SHISA9: variants seen among roughly 807,000 people sequenced by gnomAD.
SHISA9 encodes the protein shisa family member 9.
Under a neutral mutation model 38.0 loss-of-function variants are expected in SHISA9, and 13 were observed. That is an observed-to-expected ratio of 0.34 (90% CI 0.22 to 0.54). The LOEUF is 0.54. Ranked by LOEUF, SHISA9 falls within the 20% of genes least tolerant of loss-of-function variation. The pLI, the probability that SHISA9 is intolerant of heterozygous loss-of-function variation, is 0.91. For missense variants in SHISA9, 538 were observed against 575.8 expected (o/e 0.93, Z 0.67); for synonymous variants, 275 against 242.0 (o/e 1.14, Z -1.27).
At chr16:13,394,343 C>T in the SHISA9 span, among the ~76,000 whole-genome samples, 2 of 152,186 alleles carry the variant, frequency 1.3e-5, no homozygotes, top group African/African-American at 2.4e-5. Context: ...CTTTGCTATG[C>T]AGAATTATTG....
the SHISA9 span, among the ~76,000 whole-genome samples, chr16:13,486,672 G>A: frequency 1.3e-5 from 2 of 151,912 alleles, no homozygotes; most frequent in African/African-American, 4.8e-5. Flanking sequence ...ATGCTTAGTG[G>A]GGATCTGCAA....
intron 2 of SHISA9, among the ~76,000 whole-genome samples, chr16:13,145,584 C>T (rs998083765): frequency 2.0e-5 from 3 of 152,158 alleles, no homozygotes; most frequent in Non-Finnish European, 4.4e-5. Context: ...GTGCTGACCT[C>T]ACTGGGTCCT....
At chr16:13,298,403 G>T in the SHISA9 span, among the ~76,000 whole-genome samples, 1 of 152,124 alleles carries the variant, frequency 6.6e-6, no homozygotes, top group African/African-American at 2.4e-5. Context: ...TAAACACGAT[G>T]ATGACTCACA....
At chr16:13,027,607 C>T (rs59803423) in intron 2 of SHISA9, among the ~76,000 whole-genome samples, 19,951 of 151,946 alleles carry the variant, frequency 0.13, 2,340 homozygotes, top group African/African-American at 0.3. Context: ...TAATTCTCGG[C>T]AATAAAAAAT....
intron 2 of SHISA9, among the ~76,000 whole-genome samples, chr16:13,118,033 C>T (rs57621316): frequency 0.031 from 4,635 of 151,956 alleles, 101 homozygotes; most frequent in East Asian, 0.11. Flanking sequence ...AATACAAAAA[C>T]TAGCTGGGCA....
chr16:13,541,382 A>G, the SHISA9 span, among the ~76,000 whole-genome samples: 1 of 152,322 alleles, frequency 6.6e-6, no homozygotes, highest in East Asian at 1.9e-4. Flanking sequence ...GAGAGCCAAG[A>G]AATCCATATA....
the SHISA9 span, among the ~76,000 whole-genome samples, chr16:13,308,064 C>A: frequency 6.6e-6 from 1 of 152,216 alleles, no homozygotes; most frequent in African/African-American, 2.4e-5. Flanking sequence ...GTCTCCCTTG[C>A]TCTTTTATGA....
the SHISA9 span, among the ~76,000 whole-genome samples, chr16:13,330,437 C>T: frequency 6.6e-6 from 1 of 152,126 alleles, no homozygotes; most frequent in Non-Finnish European, 1.5e-5. Flanking sequence ...AAAATTAAGT[C>T]CCTCCTCCTC....
chr16:13,065,672 G>C (rs1315526075), intron 2 of SHISA9, among the ~76,000 whole-genome samples: 1 of 152,218 alleles, frequency 6.6e-6, no homozygotes, highest in Non-Finnish European at 1.5e-5. Context: ...TTCCCACGTG[G>C]TGGCTCTTCT....
At chr16:13,354,814 C>A in the SHISA9 span, among the ~76,000 whole-genome samples, 1 of 152,050 alleles carries the variant, frequency 6.6e-6, no homozygotes, top group Non-Finnish European at 1.5e-5. Flanking sequence ...GGTTTGAGAT[C>A]AGTTGGACAC....
chr16:12,959,634 C>A (rs961903601), intron 2 of SHISA9, among the ~76,000 whole-genome samples: 1 of 152,200 alleles, frequency 6.6e-6, no homozygotes, highest in African/African-American at 2.4e-5. Flanking sequence ...ATTGTTAGAA[C>A]TTGAACCTCC....
chr16:13,310,748 A>G, the SHISA9 span, among the ~76,000 whole-genome samples: 3 of 149,236 alleles, frequency 2.0e-5, no homozygotes, highest in Admixed American at 2.0e-4. Flanking sequence ...CAGTGGTGCA[A>G]TCTCGGCCCA....
intron 1 of SHISA9, among the ~76,000 whole-genome samples, 193 bp from the exon 2 acceptor site, chr16:12,916,495 G>C (rs951559839): frequency 6.6e-6 from 1 of 152,156 alleles, no homozygotes; most frequent in African/African-American, 2.4e-5. Context: ...AGTAGCCTGC[G>C]TAAAGTCCCT....
At chr16:13,019,908 TTTCTTTCTTTCTTTCTTTC>T (rs2072820602) in intron 2 of SHISA9, among the ~76,000 whole-genome samples, 1 of 65,262 alleles carries the variant, frequency 1.5e-5, no homozygotes. Context: ...TCTTTCTTTC[TTTCTTTCTTTCTTTCTTTC>T]TTTCTTTCTT....
At chr16:13,075,389 C>T (rs985084522) in intron 2 of SHISA9, among the ~76,000 whole-genome samples, 1 of 152,106 alleles carries the variant, frequency 6.6e-6, no homozygotes, top group South Asian at 2.1e-4. Flanking sequence ...CCCTGAGCCC[C>T]GAAGCCAAGG....
chr16:13,300,148 C>T, the SHISA9 span, among the ~76,000 whole-genome samples: 1 of 152,104 alleles, frequency 6.6e-6, no homozygotes, highest in Non-Finnish European at 1.5e-5. Context: ...GCAGGAAGAA[C>T]AAAGCCTAGA....
chr16:13,271,668 A>G, the SHISA9 span, among the ~76,000 whole-genome samples: 3 of 152,318 alleles, frequency 2.0e-5, no homozygotes, highest in East Asian at 5.8e-4. Flanking sequence ...GATTCTAGGT[A>G]TATGAAATGT....
intron 2 of SHISA9, among the ~76,000 whole-genome samples, chr16:13,059,261 G>A (rs867703171): frequency 6.6e-6 from 1 of 151,588 alleles, no homozygotes; most frequent in South Asian, 2.1e-4. Flanking sequence ...CCGAGTAGCT[G>A]GGAGTACAGG....
intron 2 of SHISA9, among the ~76,000 whole-genome samples, chr16:13,013,922 G>T (rs1300239074): frequency 6.6e-6 from 1 of 151,998 alleles, no homozygotes; most frequent in Admixed American, 6.6e-5. Flanking sequence ...GTAGAGACGG[G>T]GTTTCACCAT....
Sources: allele counts gnomAD v4.1 joint callset (sites outside exome capture counted in the v4.1 genomes callset), GRCh38; gene constraint gnomAD v4.1.1; transcripts MANE v1.5; gene names NCBI Gene and HGNC (gene_info 2026-07-23, HGNC 2026-07-21).